CCSER1: variants seen among roughly 807,000 people sequenced by gnomAD.
CCSER1 encodes serine-rich coiled-coil domain-containing protein 1.
Under a neutral mutation model 82.0 loss-of-function variants are expected in CCSER1, and 41 were observed. That is an observed-to-expected ratio of 0.50 (90% CI 0.39 to 0.65). CCSER1 has a LOEUF of 0.65. Among genes scored for constraint, CCSER1 ranks in the 30% least tolerant of loss-of-function variants. CCSER1 has a pLI of 0.00. For synonymous variants in CCSER1, 414 were observed against 383.9 expected (o/e 1.08, Z -0.92); for missense variants, 1,119 against 1,064.2 (o/e 1.05, Z -0.72).
intron 1 of CCSER1, among the ~76,000 whole-genome samples, chr4:90,163,268 T>A (rs1378588006): frequency 6.6e-6 from 1 of 152,020 alleles, no homozygotes; most frequent in African/African-American, 2.4e-5. Context: ...TAAGTGGGGA[T>A]AATAAATGTT....
At chr4:90,747,692 T>C (rs1747736533) in intron 7 of CCSER1, among the ~76,000 whole-genome samples, 1 of 152,168 alleles carries the variant, frequency 6.6e-6, no homozygotes, top group South Asian at 2.1e-4. Context: ...AGGGTACATA[T>C]GCACGATGTG....
At chr4:90,140,571 G>A (rs570894710) in intron 1 of CCSER1, among the ~76,000 whole-genome samples, 4 of 150,722 alleles carry the variant, frequency 2.7e-5, no homozygotes, top group East Asian at 1.9e-4. Flanking sequence ...ATGTGTGTAC[G>A]TACACATGTA....
At chr4:91,227,343 C>T (rs1738276392) in intron 10 of CCSER1, among the ~76,000 whole-genome samples, 2 of 151,372 alleles carry the variant, frequency 1.3e-5, no homozygotes, top group Admixed American at 6.6e-5. Flanking sequence ...AAATAGAGTA[C>T]AAAAATGACA....
At chr4:91,551,239 T>C (rs1031382666) in intron 10 of CCSER1, among the ~76,000 whole-genome samples, 1 of 152,148 alleles carries the variant, frequency 6.6e-6, no homozygotes, top group Non-Finnish European at 1.5e-5. Flanking sequence ...CTTATGTTAT[T>C]GTGTTAATTG....
intron 10 of CCSER1, among the ~76,000 whole-genome samples, chr4:91,217,348 G>A (rs1262128622): frequency 3.9e-5 from 6 of 152,248 alleles, no homozygotes; most frequent in South Asian, 2.1e-4. Context: ...TGATTGGTGC[G>A]TTTACAATCC....
At chr4:91,099,193 A>G (rs1724812256) in intron 10 of CCSER1, among the ~76,000 whole-genome samples, 3 of 152,304 alleles carry the variant, frequency 2.0e-5, no homozygotes, top group African/African-American at 7.2e-5. Flanking sequence ...TCAACTTTAG[A>G]GATCCCATTC....
intron 1 of CCSER1, among the ~76,000 whole-genome samples, chr4:90,219,626 C>T (rs1260329915): frequency 6.6e-6 from 1 of 152,116 alleles, no homozygotes; most frequent in Non-Finnish European, 1.5e-5. Flanking sequence ...TCATGCCTTG[C>T]TCTTCATTGT....
intron 10 of CCSER1, among the ~76,000 whole-genome samples, chr4:91,577,281 G>C (rs542465450): frequency 1.3e-5 from 2 of 151,746 alleles, no homozygotes; most frequent in Admixed American, 6.6e-5. Context: ...TTAGACCTTG[G>C]GGGGCACAGA....
intron 10 of CCSER1, among the ~76,000 whole-genome samples, chr4:91,183,334 C>T (rs538014708): frequency 2.0e-5 from 3 of 152,282 alleles, no homozygotes; most frequent in African/African-American, 7.2e-5. Context: ...GAAAACTTTA[C>T]TTTTTGAGCC....
Position 90,309,441 on chromosome 4 carries a change from T to G in CCSER1, c.1157T>G (p.Leu386Arg), listed in dbSNP as rs1734903018. Reference sequence around the variant, plus strand: ...GGGTTACAAAATGGTGAAACAATGCTGGGGACAAACTCCCCAAGGAAACTT... The same window carrying G: ...GGGTTACAAAATGGTGAAACAATGCGGGGGACAAACTCCCCAAGGAAACTT... ...NIGLQNGETM[L>R]GTNSPRKLGF... Residue 386 changes from leucine (L) to arginine (R), a missense_variant, in exon 2 of 11, where the codon CTG becomes CGG. Physicochemically the swap from Leu to Arg is moderately radical, Grantham distance 102. Transcript: ENST00000509176. 1 of 1,613,844 alleles carries G rather than the reference T, an allele frequency of 6.2e-7. No homozygotes were observed.
At chr4:91,319,158 A>G (rs1253311446) in intron 10 of CCSER1, 3 of 230,286 alleles carry the variant, frequency 1.3e-5, no homozygotes, top group Admixed American at 1.0e-4. Flanking sequence ...ATAAAATTAG[A>G]TGATGCATAA....
At chr4:90,258,979 C>T (rs1723839623) in intron 1 of CCSER1, among the ~76,000 whole-genome samples, 1 of 151,990 alleles carries the variant, frequency 6.6e-6, no homozygotes, top group South Asian at 2.1e-4. Flanking sequence ...TTTTTGGTTC[C>T]ATATGAATTT....
At position 90,993,413 on chromosome 4, in the gene CCSER1, A is replaced by G. The variant is rs144523269; in HGVS notation, c.2172+69966A>G. ...AGCTATAATGGATAACTAATGATCT[A>G]TAACATTACTCTATTTTGTCTGCTT... is the stretch of plus-strand genomic sequence containing the variant. On this transcript the variant is annotated intron_variant, in intron 9 of 10. Coordinates refer to ENST00000509176, the MANE Select transcript of CCSER1 (RefSeq NM_001145065.2). Among the ~76,000 whole-genome samples, 184 of 152,112 alleles carry G rather than the reference A, an allele frequency of 1.2e-3. 1 individual carries two copies. Among genetic ancestry groups the G allele is most frequent in the Non-Finnish European group, 2.4e-4 (16 of 67,994 alleles).
chr4:90,136,854 C>T (rs1723785790), intron 1 of CCSER1, among the ~76,000 whole-genome samples: 2 of 152,084 alleles, frequency 1.3e-5, no homozygotes, highest in South Asian at 4.1e-4. Context: ...TCCCAGAAAC[C>T]ATCAGGTGAG....
chr4:91,173,975 T>C (rs1212676355), intron 10 of CCSER1, among the ~76,000 whole-genome samples: 1 of 152,162 alleles, frequency 6.6e-6, no homozygotes, highest in Non-Finnish European at 1.5e-5. Context: ...TATATATATA[T>C]TTGAACAAAC....
At chr4:90,650,598 A>G (rs1157121222) in intron 6 of CCSER1, among the ~76,000 whole-genome samples, 1 of 152,150 alleles carries the variant, frequency 6.6e-6, no homozygotes, top group African/African-American at 2.4e-5. Context: ...GCTAATATCT[A>G]CTCTTTAATA....
rs777162046 is a variant in CCSER1 at position 90,133,218 on chromosome 4, T to C, written c.-42+5387T>C. On this transcript the variant is annotated intron_variant, in intron 1 of 10. Coordinates refer to ENST00000509176, the MANE Select transcript of CCSER1 (RefSeq NM_001145065.2). ...ATATTCAGTTTTGGAAAATATTCCA[T>C]TGTCCATCAAAAGTTTTTCATCTTA... 3.9e-5 allele frequency among the ~76,000 whole-genome samples: 6 copies of C among 152,250 alleles called. No individual in the cohort carries two copies. In the East Asian group the frequency reaches 9.6e-4, roughly 24 times the overall value.
Position 90,817,032 on chromosome 4 carries a change from C to T in CCSER1, c.2094+1187C>T, listed in dbSNP as rs138912324. ...AATAGTATCACAGACAAAAGGAACA[C>T]GTGTTACATTACCAAAATAACCTTT... On this transcript the variant is annotated intron_variant, in intron 8 of 10. Coordinates refer to ENST00000509176, the MANE Select transcript of CCSER1 (RefSeq NM_001145065.2). 4.6e-3 allele frequency among the ~76,000 whole-genome samples: 703 copies of T among 152,132 alleles called. 5 individuals carry two copies. Among genetic ancestry groups the T allele is most frequent in the African/African-American group, 0.016 (666 of 41,502 alleles).
intron 10 of CCSER1, among the ~76,000 whole-genome samples, chr4:91,337,096 A>G (rs1212251730): frequency 6.6e-6 from 1 of 152,120 alleles, no homozygotes; most frequent in African/African-American, 2.4e-5. Context: ...TTTATCCAAC[A>G]GCTGCTAACT....
Sources: gnomAD v4.1 joint callset for allele counts (sites outside exome capture counted in the v4.1 genomes callset) on GRCh38, gnomAD v4.1.1 for gene constraint, MANE v1.5 for transcripts, NCBI Gene and HGNC (gene_info 2026-07-23, HGNC 2026-07-21) for gene names.